DCAF13: variants seen among roughly 807,000 people sequenced by gnomAD.
DCAF13 encodes DDB1- and CUL4-associated factor 13.
A neutral mutation model predicts 59.0 loss-of-function variants in DCAF13; 38 were observed. The observed-to-expected ratio is 0.64, with a 90% CI of 0.50 to 0.84. The LOEUF (loss-of-function observed/expected upper bound fraction) is 0.84. Ranked by LOEUF, DCAF13 falls within the 40% of genes least tolerant of loss-of-function variation. The pLI, the probability that DCAF13 is intolerant of heterozygous loss-of-function variation, is 0.00. For synonymous variants in DCAF13, 173 were observed against 175.0 expected (o/e 0.99, Z 0.09); for missense variants, 469 against 558.4 (o/e 0.84, Z 1.61).
At chr8:103,426,467 A>C (rs1816794490) in intron 4 of DCAF13, among the ~76,000 whole-genome samples, 1 of 152,098 alleles carries the variant, frequency 6.6e-6, no homozygotes, top group Non-Finnish European at 1.5e-5. Context: ...CAGCTTGTCT[A>C]GTTGATGTCA....
chr8:103,418,764 T>C (rs554001116), intron 1 of DCAF13, among the ~76,000 whole-genome samples: 1 of 143,262 alleles, frequency 7.0e-6, no homozygotes, highest in Non-Finnish European at 1.5e-5. Context: ...AAGATGCATT[T>C]ACTTTTTACT....
intron 6 of DCAF13, among the ~76,000 whole-genome samples, chr8:103,430,971 A>C (rs1358881455): frequency 1.3e-5 from 2 of 152,192 alleles, no homozygotes; most frequent in African/African-American, 4.8e-5. Context: ...CTGAATTGAA[A>C]GTTCTTAAAG....
chr8:103,443,111 T>C lies in DCAF13; in HGVS notation c.*229T>C. The C allele has an allele frequency of 2.8e-6, 1 of 355,656 alleles. No individual in the cohort carries two copies. Among genetic ancestry groups the C allele is most frequent in the East Asian group, 4.6e-5 (1 of 21,728 alleles). The allele number at this position is 355,656 out of a possible 1,614,324, so 22.0% of individuals were successfully genotyped here. A position where few individuals can be genotyped will look rare whatever the true frequency, so the allele number is the denominator to read the frequency against. Reference sequence around the variant, plus strand: ...TTCTTTCATTGTAGAATACAGTATTTGCAACTCATTTTTTCTTGTTTTTAT... The same window carrying C: ...TTCTTTCATTGTAGAATACAGTATTCGCAACTCATTTTTTCTTGTTTTTAT... On this transcript the variant is annotated 3_prime_UTR_variant, in exon 11 of 11. Coordinates refer to ENST00000612750, the MANE Select transcript of DCAF13 (RefSeq NM_015420.7).
intron 1 of DCAF13, among the ~76,000 whole-genome samples, chr8:103,419,795 G>T (rs926134480): frequency 4.0e-5 from 6 of 151,806 alleles, no homozygotes; most frequent in African/African-American, 1.5e-4. Context: ...TGGATCACGA[G>T]GTCACGAGAT....
chr8:103,430,783 A>G (rs574740361), intron 6 of DCAF13, 94 bp downstream of exon 6: 7 of 908,560 alleles, frequency 7.7e-6, no homozygotes, highest in South Asian at 1.8e-5. Flanking sequence ...ATATTTTCTC[A>G]GAATTAAAAA....
At chr8:103,439,082 A>G (rs543215892) in intron 8 of DCAF13, among the ~76,000 whole-genome samples, 4 of 152,194 alleles carry the variant, frequency 2.6e-5, no homozygotes, top group African/African-American at 9.6e-5. Flanking sequence ...ATCTCGGCTC[A>G]CTGCAAGCTC....
intron 7 of DCAF13, among the ~76,000 whole-genome samples, chr8:103,433,320 T>C (rs1816890413): frequency 1.3e-5 from 2 of 152,092 alleles, no homozygotes; most frequent in Non-Finnish European, 2.9e-5. Context: ...GGAAGAAAAA[T>C]TATAGTTATC....
At chr8:103,440,863 A>G (rs1651763459) in intron 9 of DCAF13, 1 of 152,292 alleles carries the variant, frequency 6.6e-6, no homozygotes, top group Admixed American at 6.5e-5. Context: ...GAGTGTTTAT[A>G]TTAGAAATAA....
intron 3 of DCAF13, among the ~76,000 whole-genome samples, chr8:103,422,527 A>G (rs1028372833): frequency 6.6e-6 from 1 of 152,216 alleles, no homozygotes; most frequent in Non-Finnish European, 1.5e-5. Flanking sequence ...AGGAGGAAGG[A>G]ATAGTCAGTT....
At chr8:103,415,736 G>T (rs1489894554) in intron 1 of DCAF13, among the ~76,000 whole-genome samples, 4 of 152,214 alleles carry the variant, frequency 2.6e-5, no homozygotes, top group African/African-American at 9.7e-5. Flanking sequence ...TCCTCTAGTG[G>T]TGAGTGGGAA....
chr8:103,435,568 T>TACTGCATATGGCATCTTTCTAGA, intron 7 of DCAF13, 58 bp from the exon 8 acceptor site: 1 of 1,365,094 alleles, frequency 7.3e-7, no homozygotes, highest in South Asian at 1.4e-5. Context: ...TATCTTTTAG[T>TACTGCATATGGCATCTTTCTAGA]ACTGCATATG....
chr8:103,421,050 T>G lies in DCAF13; in HGVS notation c.346T>G (p.Cys116Gly), dbSNP rs1259078062. 1 of 1,613,356 alleles carries G rather than the reference T, an allele frequency of 6.2e-7. No homozygotes were observed. Residue 116 changes from cysteine (C) to glycine (G), a missense_variant, in exon 3 of 11, where the codon TGT (cysteine) becomes GGT (glycine). This residue lies in a region of DCAF13 where 355 missense variants were observed against 399.1 expected (regional missense o/e 0.89). Coordinates refer to ENST00000612750, the MANE Select transcript of DCAF13 (RefSeq NM_015420.7). ...QAHEGFVRGI[C>G]TRFCGTSFFT... ...ACATGAAGGCTTTGTACGAGGAATA[T>G]GTACTCGCTTTTGTGGGACTTCTTT...
intron 7 of DCAF13, among the ~76,000 whole-genome samples, chr8:103,435,410 G>A (rs1816919405): frequency 6.6e-6 from 1 of 152,014 alleles, no homozygotes; most frequent in Non-Finnish European, 1.5e-5. Context: ...TTTATAGGGT[G>A]GAAAATGTGT....
At chr8:103,415,621 TC>T (rs1314344160) in intron 1 of DCAF13, 105 bp downstream of exon 1, 1 of 1,129,828 alleles carries the variant, frequency 8.9e-7, no homozygotes, top group Non-Finnish European at 1.2e-6. Context: ...CTGGTCTGGT[TC>T]TTTCTCAGTT....
At chr8:103,430,391 CTAAATAAA>C (rs10541932) in intron 5 of DCAF13, 37 of 289,562 alleles carry the variant, frequency 1.3e-4, no homozygotes, top group Non-Finnish European at 1.7e-4. Flanking sequence ...GACTCTGTCT[CTAAATAAA>C]TAAATAAATA....
chr8:103,430,960 AC>A lies in DCAF13; in HGVS notation c.702+272del, dbSNP rs147702860. ...CATTTTAGGCCTCTAATTAATACTT[AC>A]TGAATTGAAAGTTCTTAAAGGTATT... On this transcript the variant is annotated intron_variant, in intron 6 of 10. Coordinates refer to ENST00000612750, the MANE Select transcript of DCAF13 (RefSeq NM_015420.7). Among the ~76,000 whole-genome samples the A allele has an allele frequency of 8.0e-3, 1,225 of 152,242 alleles. 12 individuals carry two copies. The highest frequency in any genetic ancestry group is 0.027 in the Middle Eastern group (8 of 292).
Position 103,420,483 on chromosome 8 carries a change from A to G in DCAF13, c.270+20A>G, listed in dbSNP as rs989830639. 14 of 1,599,940 alleles carry G rather than the reference A, an allele frequency of 8.8e-6. No individual in the cohort carries two copies. Among genetic ancestry groups the G allele is most frequent in the Non-Finnish European group, 1.2e-5 (14 of 1,170,382 alleles). ...GGAGAGGCAAGTGTCAATCTAGATG[A>G]TATTTTCAACTAAAAGTAGTTATAT... On this transcript the variant is annotated intron_variant, in intron 2 of 10. Coordinates refer to ENST00000612750, the MANE Select transcript of DCAF13 (RefSeq NM_015420.7).
rs113982117 is a variant in DCAF13, at chr8:103,426,112, C to T, written c.435C>T (p.Asp145=). 1,879 of 1,611,224 alleles carry T rather than the reference C, an allele frequency of 1.2e-3. 11 individuals carry two copies. The African/African-American group carries it at 0.017, about 14-fold the overall frequency. The change falls in exon 4 of 11, where the codon GAC becomes GAT. Residue 145 remains aspartate (D), a synonymous_variant. Transcript: ENST00000612750. The part of the protein sequence containing the change: ...QWKMDGPGYG[D]EEEPLHTILG... ...AAATGGATGGGCCAGGCTATGGAGA[C>T]GAGGAAGAGCCATTACATACAATAT... is the stretch of plus-strand genomic sequence containing the variant.
At chr8:103,418,488 A>G (rs1816659303) in intron 1 of DCAF13, among the ~76,000 whole-genome samples, 1 of 152,062 alleles carries the variant, frequency 6.6e-6, no homozygotes, top group African/African-American at 2.4e-5. Context: ...GGCTATAGTC[A>G]TATCACTGCA....
Sources: allele counts gnomAD v4.1 joint callset (sites outside exome capture counted in the v4.1 genomes callset), GRCh38; gene constraint gnomAD v4.1.1; regional missense constraint gnomAD v4.1.1; transcripts MANE v1.5; gene names NCBI Gene and HGNC (gene_info 2026-07-23, HGNC 2026-07-21).